Variants in TRIO observed in about 807,000 individuals in gnomAD.
TRIO encodes triple functional domain protein.
TRIO carries 58 observed loss-of-function variants against 351.9 expected under a neutral mutation model. That is an observed-to-expected ratio of 0.16 (90% confidence interval 0.13 to 0.21). The LOEUF (loss-of-function observed/expected upper bound fraction) is 0.21. TRIO is among the 10% of genes least tolerant of loss of function. The pLI is 1.00. For missense variants in TRIO, 3,201 were observed against 4,027.8 expected (o/e 0.79, Z 5.56); for synonymous variants, 1,758 against 1,595.7 (o/e 1.10, Z -2.42).
chr5:14,436,613 G>A (rs1751606826), intron 34 of TRIO, among the ~76,000 whole-genome samples: 1 of 152,156 alleles, frequency 6.6e-6, no homozygotes, highest in Non-Finnish European at 1.5e-5. Flanking sequence ...ATCAAAAGCA[G>A]GTTAGTTACT....
intron 34 of TRIO, among the ~76,000 whole-genome samples, 159 bp from the exon 35 acceptor site, chr5:14,460,860 T>C (rs1194842032): frequency 1.3e-5 from 2 of 152,186 alleles, no homozygotes; most frequent in African/African-American, 4.8e-5. Flanking sequence ...AGAGTGCGTG[T>C]AAAGCATCAG....
At chr5:14,326,166 G>A (rs1258237991) in intron 9 of TRIO, among the ~76,000 whole-genome samples, 1 of 152,162 alleles carries the variant, frequency 6.6e-6, no homozygotes, top group African/African-American at 2.4e-5. Context: ...CCCTACCCCT[G>A]GCTCACTGTG....
chr5:14,189,455 G>C (rs557351415), intron 1 of TRIO, among the ~76,000 whole-genome samples: 2 of 152,332 alleles, frequency 1.3e-5, no homozygotes, highest in African/African-American at 4.8e-5. Context: ...AGGGCGGAAA[G>C]AAGGGTTAAT....
intron 49 of TRIO, 57 bp from the exon 50 acceptor site, chr5:14,496,822 C>T: frequency 6.3e-7 from 1 of 1,593,640 alleles, no homozygotes; most frequent in East Asian, 2.2e-5. Context: ...CGCTTCCAGG[C>T]AGCACTTGGT....
intron 23 of TRIO, 125 bp downstream of exon 23, chr5:14,387,972 G>C (rs1036163817): frequency 1.0e-6 from 1 of 953,136 alleles, no homozygotes; most frequent in African/African-American, 1.6e-5. Context: ...TGCTCTGGGT[G>C]GACTTAGTTG....
rs78515287 is a variant in TRIO, at chr5:14,226,371, T to C, written c.158-44454T>C. 5.2e-3 allele frequency among the ~76,000 whole-genome samples: 787 copies of C among 152,254 alleles called. 12 individuals carry two copies. The highest frequency in any genetic ancestry group is 0.018 in the African/African-American group (765 of 41,540). ...GCGCAGCTGTGTTTTTAGAAGACCT[T>C]GTGGAGGTTGAAAACCAGGGTGTTG... On this transcript the variant is annotated intron_variant, in intron 1 of 56. Coordinates refer to ENST00000344204, the MANE Select transcript of TRIO (RefSeq NM_007118.4).
At chr5:14,158,316 T>C (rs1209550460) in intron 1 of TRIO, among the ~76,000 whole-genome samples, 3 of 151,422 alleles carry the variant, frequency 2.0e-5, no homozygotes, top group Admixed American at 6.6e-5. Flanking sequence ...TCCCAGCTAC[T>C]GGAGAGGCTG....
At chr5:14,313,866 G>A (rs528397865) in intron 8 of TRIO, among the ~76,000 whole-genome samples, 7 of 152,240 alleles carry the variant, frequency 4.6e-5, no homozygotes, top group African/African-American at 1.2e-4. Context: ...TTTTACTTTT[G>A]TATATTGGCC....
In TRIO at chr5:14,496,920, A is replaced by C. The variant is rs200539540; in HGVS notation, c.7922A>C (p.Lys2641Thr). ...SWHTALRLRK[K>T]SEKKDKDGKR... is the part of the protein sequence containing the mutation. ...CACACAGCACTCCGTTTAAGGAAAA[A>C]ATCTGAGAAAAAAGATAAAGACGGC... The change falls in exon 50 of 57, where the codon AAA becomes ACA. Residue 2641 changes from lysine (K) to threonine (T), a missense_variant. Physicochemically the swap from Lys to Thr is moderately conservative, Grantham distance 78 (BLOSUM62 -1). Coordinates refer to ENST00000344204, the MANE Select transcript of TRIO (RefSeq NM_007118.4). The C allele has an allele frequency of 2.6e-5, 42 of 1,614,202 alleles. No homozygotes were observed. In the Admixed American group the frequency reaches 5.0e-4, roughly 19 times the overall value.
intron 21 of TRIO, among the ~76,000 whole-genome samples, chr5:14,386,067 C>A (rs544018708): frequency 6.6e-6 from 1 of 152,202 alleles, no homozygotes; most frequent in Non-Finnish European, 1.5e-5. Flanking sequence ...ATCACTTGCA[C>A]CCTCTGTCAG....
In TRIO at chr5:14,488,206, G is replaced by C. The variant is rs1194842157; in HGVS notation, c.7578G>C (p.Met2526Ile). The C allele has an allele frequency of 6.3e-7, 1 of 1,595,574 alleles. No individual in the cohort carries two copies. The highest frequency in any genetic ancestry group is 1.1e-5 in the South Asian group (1 of 90,002). ...CCCCTGGCAAGGATACTGACCGCAT[G>C]AGCACGTGCTCCTCGGCCAGCGAGC... ...HAAPGKDTDR[M>I]STCSSASEQS... The change falls in exon 48 of 57, where the codon ATG becomes ATC. Residue 2526 changes from methionine (M) to isoleucine (I), a missense_variant. Around this residue, in one of 19 missense-constraint regions of TRIO, gnomAD observed 1,089 missense variants for 954.9 expected, o/e 1.14. Transcript: ENST00000344204.
chr5:14,359,665 G>T lies in TRIO; in HGVS notation c.2391+134G>T, dbSNP rs79972520. 6.7e-4 allele frequency: 722 copies of T among 1,082,420 alleles called. 1 individual carries two copies. The African/African-American group carries it at 0.01, about 15-fold the overall frequency. The allele number at this position is 1,082,420 out of a possible 1,614,324, so 67.1% of individuals were successfully genotyped here. On this transcript the variant is annotated intron_variant, in intron 13 of 56. Coordinates refer to ENST00000344204, the MANE Select transcript of TRIO (RefSeq NM_007118.4). ...CACCCCAACCCTCTGCACCAGGAGGGGGTGTGGGAGGGAGAGAGGGTCCCT... is the reference window on the plus strand; with the variant it reads ...CACCCCAACCCTCTGCACCAGGAGGTGGTGTGGGAGGGAGAGAGGGTCCCT...
chr5:14,256,479 C>T (rs1486980923), intron 1 of TRIO, among the ~76,000 whole-genome samples: 3 of 152,060 alleles, frequency 2.0e-5, no homozygotes, highest in Admixed American at 6.6e-5. Context: ...CAGGGAGGGG[C>T]ATGGGGAAGG....
At chr5:14,385,254 C>T (rs1746440139) in intron 21 of TRIO, among the ~76,000 whole-genome samples, 1 of 152,208 alleles carries the variant, frequency 6.6e-6, no homozygotes, top group South Asian at 2.1e-4. Context: ...GTTACGGCAG[C>T]AGCACTCAGG....
intron 33 of TRIO, among the ~76,000 whole-genome samples, chr5:14,417,350 T>C (rs1399928469): frequency 6.6e-6 from 1 of 152,254 alleles, no homozygotes; most frequent in Admixed American, 6.5e-5. Context: ...GGTTGTCTAG[T>C]GGACATGTGT....
At chr5:14,323,418 C>T (rs1197021042) in intron 9 of TRIO, among the ~76,000 whole-genome samples, 1 of 152,104 alleles carries the variant, frequency 6.6e-6, no homozygotes, top group Non-Finnish European at 1.5e-5. Context: ...CAACGTGATA[C>T]TGAAGAAAGA....
intron 1 of TRIO, among the ~76,000 whole-genome samples, chr5:14,162,870 G>A (rs1477707039): frequency 1.3e-5 from 2 of 152,056 alleles, no homozygotes; most frequent in East Asian, 1.9e-4. Context: ...GCAGTGGCAC[G>A]ATCTTGGCTC....
rs184920093 is a variant in TRIO at position 14,454,076 on chromosome 5, T to C, written c.5204-6943T>C. The stretch of plus-strand genomic sequence containing the variant: ...TCCCGAGTAGCTGGGACTACAGGCA[T>C]GCGACACGATGCCAACTAATTTTTG... On this transcript the variant is annotated intron_variant, in intron 34 of 56. Transcript: ENST00000344204. 3.0e-3 allele frequency among the ~76,000 whole-genome samples: 455 copies of C among 152,168 alleles called. 2 individuals carry two copies. Among genetic ancestry groups the C allele is most frequent in the Non-Finnish European group, 5.1e-3 (346 of 68,000 alleles).
intron 31 of TRIO, among the ~76,000 whole-genome samples, chr5:14,402,766 A>T (rs2152376771): frequency 6.6e-6 from 1 of 151,156 alleles, no homozygotes; most frequent in South Asian, 2.1e-4. Flanking sequence ...GGTGGCATAG[A>T]CTTTGGTGGT....
Sources: gnomAD v4.1 joint callset for allele counts (sites outside exome capture counted in the v4.1 genomes callset) on GRCh38, gnomAD v4.1.1 for gene constraint, gnomAD v4.1.1 regional missense constraint, MANE v1.5 for transcripts, NCBI Gene and HGNC (gene_info 2026-07-23, HGNC 2026-07-21) for gene names.